SATB1: variants seen among roughly 807,000 people sequenced by gnomAD.
SATB1 encodes DNA-binding protein SATB1.
A neutral mutation model predicts 86.9 loss-of-function variants in SATB1; 11 were observed. That is an observed-to-expected ratio of 0.13 (90% CI 0.08 to 0.21). The LOEUF (loss-of-function observed/expected upper bound fraction) is 0.21, where lower values mean the gene tolerates loss of function less well. Among genes scored for constraint, SATB1 ranks in the 10% least tolerant of loss-of-function variants. The pLI is 1.00. For synonymous variants in SATB1, 357 were observed against 357.2 expected (o/e 1.00, Z 0.01); for missense variants, 551 against 937.6 (o/e 0.59, Z 5.39).
At chr3:18,432,105 G>A (rs1308391601) in intron 2 of SATB1, among the ~76,000 whole-genome samples, 1 of 151,930 alleles carries the variant, frequency 6.6e-6, no homozygotes, top group Non-Finnish European at 1.5e-5. Context: ...ACCTTGAGTG[G>A]GCTTCTCTTT....
intron 9 of SATB1, among the ~76,000 whole-genome samples, chr3:18,370,722 G>A (rs893749624): frequency 2.6e-5 from 4 of 152,034 alleles, no homozygotes; most frequent in African/African-American, 9.7e-5. Context: ...GGACAGAGTT[G>A]GGGCATGCAT....
Position 18,348,349 on chromosome 3 carries a change from A to G in SATB1, c.*821T>C, listed in dbSNP as rs1457612012. 6.6e-6 allele frequency: 1 copy of G among 152,620 alleles called. No homozygotes were observed. Among genetic ancestry groups the G allele is most frequent in the Non-Finnish European group, 1.5e-5 (1 of 68,020 alleles). The allele number at this position is 152,620 out of a possible 1,614,324, so 9.5% of individuals were successfully genotyped here. On this transcript the variant is annotated 3_prime_UTR_variant, in exon 11 of 11. Transcript: ENST00000338745. ...CAACTGTGTAAAGCACATTTTCTCT[A>G]TTTAAAACTTTTAAGACACTTTGTT...
intron 2 of SATB1, 74 bp downstream of exon 2, chr3:18,420,683 C>T: frequency 1.7e-6 from 2 of 1,188,168 alleles, no homozygotes; most frequent in Non-Finnish European, 2.5e-6. Context: ...TCTGCCACTC[C>T]ACCCCCACAC....
In SATB1 at chr3:18,391,848, T is replaced by C. The variant is rs566196732; in HGVS notation, c.1206+2614A>G. Among the ~76,000 whole-genome samples, 4 of 152,168 alleles carry C rather than the reference T, an allele frequency of 2.6e-5. No individual in the cohort carries two copies. In the South Asian group the frequency reaches 8.3e-4, roughly 32 times the overall value. On this transcript the variant is annotated intron_variant, in intron 7 of 10. Transcript: ENST00000338745. Reference sequence around the variant, plus strand: ...AACACACTACATCCAGTCATACCAATGCATAATCATTAAAAAATAAATGCA... The same window carrying C: ...AACACACTACATCCAGTCATACCAACGCATAATCATTAAAAAATAAATGCA...
chr3:18,421,125 A>G (rs868164704), intron 1 of SATB1, 134 bp from the exon 2 acceptor site: 57 of 612,142 alleles, frequency 9.3e-5, no homozygotes, highest in Middle Eastern at 8.6e-4. Flanking sequence ...CTATCTAGAT[A>G]TGATACAGAT....
intron 5 of SATB1, among the ~76,000 whole-genome samples, chr3:18,401,222 A>T (rs1192833073): frequency 6.6e-6 from 1 of 152,196 alleles, no homozygotes; most frequent in African/African-American, 2.4e-5. Context: ...TAGGTGATCA[A>T]TAAAAAGGGT....
chr3:18,395,011 C>A, intron 6 of SATB1, 95 bp from the exon 7 acceptor site: 3 of 958,856 alleles, frequency 3.1e-6, no homozygotes, highest in Non-Finnish European at 3.0e-6. Flanking sequence ...AGGGTAGGCA[C>A]AGGGCACACC....
intron 5 of SATB1, among the ~76,000 whole-genome samples, chr3:18,401,682 T>C (rs1457277559): frequency 1.3e-5 from 2 of 152,142 alleles, no homozygotes; most frequent in African/African-American, 4.8e-5. Context: ...CTTCCAGTGT[T>C]GGGAAATACA....
chr3:18,355,036 C>A (rs1355833657), intron 9 of SATB1, among the ~76,000 whole-genome samples: 1 of 152,034 alleles, frequency 6.6e-6, no homozygotes, highest in African/African-American at 2.4e-5. Flanking sequence ...TAAGTCGAAG[C>A]ATGTCTCCGC....
rs1482387658 is a variant in SATB1 at position 18,347,354 on chromosome 3, C to T, written c.*1816G>A. 6.6e-6 allele frequency: 1 copy of T among 152,072 alleles called. No individual in the cohort carries two copies. Among genetic ancestry groups the T allele is most frequent in the Non-Finnish European group, 1.5e-5 (1 of 68,008 alleles). The allele number at this position is 152,072 out of a possible 1,614,324, so 9.4% of individuals were successfully genotyped here. A position where few individuals can be genotyped will look rare whatever the true frequency, so the allele number is the denominator to read the frequency against. ...CCTCATTTTATATTCTGGCATTTTA[C>T]TATGTTTAATGTTGCAAGAATTTTG... On this transcript the variant is annotated 3_prime_UTR_variant, in exon 11 of 11. Transcript: ENST00000338745.
At chr3:18,364,311 TTG>T (rs1695071210) in intron 9 of SATB1, among the ~76,000 whole-genome samples, 1 of 152,090 alleles carries the variant, frequency 6.6e-6, no homozygotes, top group Non-Finnish European at 1.5e-5. Flanking sequence ...TATCAAAAAT[TTG>T]TGATACAGTA....
intron 2 of SATB1, 25 bp from the exon 3 acceptor site, chr3:18,417,103 G>C (rs777000918): frequency 4.4e-6 from 7 of 1,603,220 alleles, no homozygotes; most frequent in African/African-American, 1.3e-5. Flanking sequence ...AAGAAGAAGA[G>C]ATGGAAAACC....
At chr3:18,384,093 T>C (rs1696197828) in intron 8 of SATB1, among the ~76,000 whole-genome samples, 1 of 152,190 alleles carries the variant, frequency 6.6e-6, no homozygotes, top group African/African-American at 2.4e-5. Flanking sequence ...ATTTTCATCA[T>C]TGGCTGAATA....
chr3:18,417,208 A>T, intron 2 of SATB1, 130 bp from the exon 3 acceptor site: 1 of 866,096 alleles, frequency 1.2e-6, no homozygotes, highest in Admixed American at 2.4e-5. Flanking sequence ...TCCAAGGCAG[A>T]CTGGGTACAG....
intron 8 of SATB1, among the ~76,000 whole-genome samples, chr3:18,381,053 A>G (rs1023184796): frequency 1.3e-5 from 2 of 152,220 alleles, no homozygotes; most frequent in African/African-American, 4.8e-5. Flanking sequence ...GTACTACTCC[A>G]TTATTAAGGC....
chr3:18,422,694 G>A (rs539782332), intron 1 of SATB1, among the ~76,000 whole-genome samples: 39 of 152,230 alleles, frequency 2.6e-4, no homozygotes, highest in African/African-American at 9.4e-4. Context: ...TTCTGAAATT[G>A]GTTGCCTCAT....
At chr3:18,351,860 G>T in intron 10 of SATB1, 132 bp downstream of exon 10, 1 of 767,108 alleles carries the variant, frequency 1.3e-6, no homozygotes, top group Non-Finnish European at 2.2e-6. Context: ...TGAGCAAGAT[G>T]GCAGTGTATT....
In SATB1 at chr3:18,420,912, T is replaced by C. The variant is rs767863846; in HGVS notation, c.56A>G (p.Asn19Ser). 1.9e-6 allele frequency: 3 copies of C among 1,614,108 alleles called. No homozygotes were observed. The highest frequency in any genetic ancestry group is 2.5e-6 in the Non-Finnish European group (3 of 1,180,040). ...TGGTGGACCCTTCGGATCACTCACA[T>C]TGTTAGACATTTCTGAATGTTCTTT... ...QGKEHSEMSN[N>S]VSDPKGPPAK... is the part of the protein sequence containing the mutation. The change falls in exon 2 of 11, where the codon AAT (asparagine) becomes AGT (serine). Residue 19 changes from asparagine (N) to serine (S), a missense_variant. Asn to Ser is a conservative substitution (Grantham distance 46). Coordinates refer to ENST00000338745, the MANE Select transcript of SATB1 (RefSeq NM_002971.6).
At chr3:18,417,545 A>G (rs1255199607) in intron 2 of SATB1, 8 of 626,358 alleles carry the variant, frequency 1.3e-5, no homozygotes, top group East Asian at 8.3e-5. Flanking sequence ...CAAACAAATT[A>G]TCTTCGACCA....
Sources: gnomAD v4.1 joint callset for allele counts (sites outside exome capture counted in the v4.1 genomes callset) on GRCh38, gnomAD v4.1.1 for gene constraint, MANE v1.5 for transcripts, NCBI Gene and HGNC (gene_info 2026-07-23, HGNC 2026-07-21) for gene names.